Variants in ANKRD13C observed in about 807,000 individuals in gnomAD.
ANKRD13C encodes the protein ankyrin repeat domain 13C.
ANKRD13C carries 16 observed loss-of-function variants against 65.5 expected under a neutral mutation model. That is an observed-to-expected ratio of 0.24 (90% CI 0.17 to 0.37). The LOEUF is 0.37. ANKRD13C is among the 10% of genes least tolerant of loss of function. The probability of loss-of-function intolerance (pLI) is 1.00; values close to 1 mark genes in which losing one functional copy is unlikely to be tolerated. For missense variants in ANKRD13C, 503 were observed against 655.9 expected (o/e 0.77, Z 2.55); for synonymous variants, 235 against 238.7 (o/e 0.98, Z 0.14).
intron 1 of ANKRD13C, among the ~76,000 whole-genome samples, chr1:70,352,391 G>A (rs963131423): frequency 6.7e-6 from 1 of 148,726 alleles, no homozygotes; most frequent in African/African-American, 2.5e-5. Context: ...AAGGACAAGA[G>A]TTTAAGAGTA....
At chr1:70,336,653 A>G (rs1396345485) in intron 1 of ANKRD13C, among the ~76,000 whole-genome samples, 3 of 152,370 alleles carry the variant, frequency 2.0e-5, no homozygotes, top group Admixed American at 1.3e-4. Flanking sequence ...AGAAATCTGT[A>G]GGCGAACAAA....
chr1:70,350,320 T>C (rs996855022), intron 1 of ANKRD13C, among the ~76,000 whole-genome samples: 4 of 151,842 alleles, frequency 2.6e-5, no homozygotes, highest in Non-Finnish European at 4.4e-5. Flanking sequence ...TACTAAACGA[T>C]GATGATGAAG....
chr1:70,328,162 T>A (rs1681629207), intron 2 of ANKRD13C, among the ~76,000 whole-genome samples: 1 of 152,088 alleles, frequency 6.6e-6, no homozygotes, highest in African/African-American at 2.4e-5. Context: ...AGCATTTGAA[T>A]GTTTGTTGTG....
intron 8 of ANKRD13C, among the ~76,000 whole-genome samples, chr1:70,295,902 C>T (rs1437788940): frequency 2.0e-5 from 3 of 152,134 alleles, no homozygotes; most frequent in African/African-American, 7.2e-5. Context: ...CAATAAGAGT[C>T]CTTCCTGACA....
chr1:70,277,844 A>G (rs1170881955), intron 9 of ANKRD13C, among the ~76,000 whole-genome samples: 2 of 152,132 alleles, frequency 1.3e-5, no homozygotes, highest in Admixed American at 1.3e-4. Flanking sequence ...TTCAATCACT[A>G]TAAGATGAAC....
intron 9 of ANKRD13C, among the ~76,000 whole-genome samples, chr1:70,277,312 T>C (rs1679183577): frequency 6.6e-6 from 1 of 151,916 alleles, no homozygotes; most frequent in Non-Finnish European, 1.5e-5. Context: ...AAAAGAATTA[T>C]CCGGGCGTGA....
chr1:70,346,068 G>A (rs1682515062), intron 1 of ANKRD13C, among the ~76,000 whole-genome samples: 1 of 151,866 alleles, frequency 6.6e-6, no homozygotes, highest in Non-Finnish European at 1.5e-5. Context: ...CTGACCTCAA[G>A]TGATCCTCCC....
chr1:70,347,015 CGGGG>C (rs1234963262), intron 1 of ANKRD13C, among the ~76,000 whole-genome samples: 1 of 140,484 alleles, frequency 7.1e-6, no homozygotes, highest in Admixed American at 7.9e-5. Flanking sequence ...TGGTGTGAAC[CGGGG>C]AGGCGGAGCT....
At chr1:70,322,749 T>C (rs2101524415) in intron 3 of ANKRD13C, among the ~76,000 whole-genome samples, 1 of 152,258 alleles carries the variant, frequency 6.6e-6, no homozygotes, top group South Asian at 2.1e-4. Flanking sequence ...CCCCAGCATT[T>C]TGGGAGGCCG....
At chr1:70,353,379 TCAAA>T (rs1248733840) in intron 1 of ANKRD13C, among the ~76,000 whole-genome samples, 15 of 152,178 alleles carry the variant, frequency 9.9e-5, no homozygotes, top group African/African-American at 2.9e-4. Context: ...AAATCTCTAC[TCAAA>T]CAAAAATCGG....
chr1:70,299,222 C>A (rs1306084040), intron 7 of ANKRD13C, among the ~76,000 whole-genome samples: 1 of 152,066 alleles, frequency 6.6e-6, no homozygotes, highest in Non-Finnish European at 1.5e-5. Flanking sequence ...GCCCAAATAG[C>A]CTGGCACATC....
Position 70,314,032 on chromosome 1 carries a change from TAATA to T in ANKRD13C, c.664-246_664-243del, listed in dbSNP as rs577081586. Among the ~76,000 whole-genome samples the T allele has an allele frequency of 5.3e-3, 811 of 151,872 alleles. 9 individuals are homozygous for T. The highest frequency in any genetic ancestry group is 0.019 in the African/African-American group (781 of 41,494). On this transcript the variant is annotated intron_variant, in intron 4 of 12. Coordinates refer to ENST00000370944, the MANE Select transcript of ANKRD13C (RefSeq NM_030816.5). ...CCCAGTATAAACAAAATAACAATAA[TAATA>T]AATATTATTTTTTAAATAGTTAACT... is the stretch of plus-strand genomic sequence containing the variant.
chr1:70,347,460 T>G (rs987162392), intron 1 of ANKRD13C, among the ~76,000 whole-genome samples: 1 of 152,174 alleles, frequency 6.6e-6, no homozygotes, highest in Non-Finnish European at 1.5e-5. Flanking sequence ...ATGAGTCCTC[T>G]AGAATTCAGG....
intron 9 of ANKRD13C, among the ~76,000 whole-genome samples, chr1:70,287,584 C>T (rs1030137068): frequency 7.2e-5 from 11 of 152,004 alleles, no homozygotes; most frequent in African/African-American, 2.2e-4. Flanking sequence ...ATGATAAATT[C>T]GATGTCATCA....
intron 1 of ANKRD13C, among the ~76,000 whole-genome samples, chr1:70,350,750 G>C (rs1253799465): frequency 6.6e-6 from 1 of 152,238 alleles, no homozygotes. Flanking sequence ...AGAGGTTCAT[G>C]ATATGCTTTG....
At chr1:70,295,860 C>T (rs369121807) in intron 8 of ANKRD13C, among the ~76,000 whole-genome samples, 6 of 152,106 alleles carry the variant, frequency 3.9e-5, no homozygotes, top group Non-Finnish European at 5.9e-5. Context: ...CATGTGAAAA[C>T]ATTGTTCCCT....
At chr1:70,289,574 T>C (rs1679768596) in intron 9 of ANKRD13C, among the ~76,000 whole-genome samples, 2 of 151,780 alleles carry the variant, frequency 1.3e-5, no homozygotes, top group African/African-American at 4.8e-5. Context: ...TCACGCCATT[T>C]TTCTGCCTCA....
At chr1:70,353,870 T>C (rs1682865440) in intron 1 of ANKRD13C, 109 bp downstream of exon 1, 1 of 1,368,994 alleles carries the variant, frequency 7.3e-7, no homozygotes, top group Non-Finnish European at 9.6e-7. Context: ...GCCCGGATGA[T>C]GGGCAAAAAG....
intron 7 of ANKRD13C, among the ~76,000 whole-genome samples, chr1:70,298,094 T>C (rs991449658): frequency 3.3e-5 from 5 of 152,096 alleles, no homozygotes; most frequent in African/African-American, 1.2e-4. Flanking sequence ...CACAATATTC[T>C]TTAAAAAAAA....
Sources: gnomAD v4.1 joint callset for allele counts (sites outside exome capture counted in the v4.1 genomes callset) on GRCh38, gnomAD v4.1.1 for gene constraint, MANE v1.5 for transcripts, NCBI Gene and HGNC (gene_info 2026-07-23, HGNC 2026-07-21) for gene names.